The following CRBN variants were observed in gnomAD, a reference collection of about 807,000 sequenced individuals.
CRBN encodes the protein protein cereblon.
A neutral mutation model predicts 62.2 loss-of-function variants in CRBN; 53 were observed. The ratio of observed to expected loss-of-function variants is 0.85; its 90% CI spans 0.68 to 1.07. The LOEUF (loss-of-function observed/expected upper bound fraction) is 1.07, where lower values mean the gene tolerates loss of function less well. Ranked by LOEUF, CRBN falls within the 50% of genes least tolerant of loss-of-function variation. CRBN has a pLI of 0.00. For synonymous variants in CRBN, 208 were observed against 176.1 expected, an observed-to-expected ratio of 1.18 and a Z score of -1.43; for missense variants, 616 against 531.1, an observed-to-expected ratio of 1.16 and a Z score of -1.57.
rs1488648678 is a variant in CRBN at position 3,151,062 on chromosome 3, A to AGAT, written c.1149-20_1149-18dup. ...CAGGCATACCTAAGAAATTAAGGAAAGATATCAGCTAAGGAAACATTTCTG... is the reference window on the plus strand; with the variant it reads ...CAGGCATACCTAAGAAATTAAGGAAAGATGATATCAGCTAAGGAAACATTTCTG... On this transcript the variant is annotated splice_polypyrimidine_tract_variant and intron_variant, in intron 10 of 10. Coordinates refer to ENST00000231948, the MANE Select transcript of CRBN (RefSeq NM_016302.4). The AGAT allele has an allele frequency of 5.6e-6, 9 of 1,613,280 alleles. No homozygotes were observed. The highest frequency in any genetic ancestry group is 7.6e-6 in the Non-Finnish European group (9 of 1,179,600).
intron 5 of CRBN, among the ~76,000 whole-genome samples, chr3:3,164,390 A>C (rs1331369761): frequency 6.6e-6 from 1 of 152,228 alleles, no homozygotes; most frequent in Non-Finnish European, 1.5e-5. Context: ...AGAAAGTTTT[A>C]ATGGTCTGGA....
At chr3:3,174,865 G>A (rs1376332968) in intron 2 of CRBN, among the ~76,000 whole-genome samples, 1 of 152,036 alleles carries the variant, frequency 6.6e-6, no homozygotes, top group Admixed American at 6.6e-5. Flanking sequence ...CAAACAGTAA[G>A]TATAAAATGT....
At chr3:3,152,202 C>A (rs1028320680) in intron 10 of CRBN, among the ~76,000 whole-genome samples, 1 of 149,770 alleles carries the variant, frequency 6.7e-6, no homozygotes, top group Non-Finnish European at 1.5e-5. Context: ...CCAGGCTGGA[C>A]TGCAGTGGCA....
Position 3,152,528 on chromosome 3 carries a change from GTC to G in CRBN, c.1074_1075del (p.Glu358AspfsTer6), listed in dbSNP as rs1198393394. ...GTTGCAAGCCTTATACACAGTAAGT[GTC>G]TCATGCACATATCCATGAGGATTCA... On this transcript the variant is annotated frameshift_variant, in exon 10 of 11. Transcript: ENST00000231948. LOFTEE classifies it high-confidence loss of function. 6.2e-7 allele frequency: 1 copy of G among 1,613,566 alleles called. No individual in the cohort carries two copies. Among genetic ancestry groups the G allele is most frequent in the Non-Finnish European group, 8.5e-7 (1 of 1,179,706 alleles).
At chr3:3,162,409 A>T (rs1019961471) in intron 5 of CRBN, among the ~76,000 whole-genome samples, 10 of 152,138 alleles carry the variant, frequency 6.6e-5, no homozygotes, top group African/African-American at 2.4e-4. Context: ...ATGGGAGAAG[A>T]AGTAAACAGT....
intron 4 of CRBN, among the ~76,000 whole-genome samples, chr3:3,171,466 T>C (rs940906979): frequency 6.6e-6 from 1 of 151,612 alleles, no homozygotes; most frequent in East Asian, 2.0e-4. Context: ...CATAAATAAG[T>C]CTTGGTCATT....
rs1021081571 is a variant in CRBN, at chr3:3,150,021, C to CACTT, written c.*840_*843dup. The stretch of plus-strand genomic sequence containing the variant: ...TGAACAAAGAACATGTTTAGTTTCA[C>CACTT]ACTTAAGGTTTACTTACTTACAGAT... On this transcript the variant is annotated 3_prime_UTR_variant, in exon 11 of 11. Transcript: ENST00000231948. The CACTT allele has an allele frequency of 3.9e-5, 6 of 152,090 alleles. No homozygotes were observed. Among genetic ancestry groups the CACTT allele is most frequent in the South Asian group, 2.1e-4 (1 of 4,834 alleles). The allele number at this position is 152,090 out of a possible 1,614,324, so 9.4% of individuals were successfully genotyped here. A position where few individuals can be genotyped will look rare whatever the true frequency, so the allele number is the denominator to read the frequency against.
intron 5 of CRBN, among the ~76,000 whole-genome samples, chr3:3,158,221 G>A (rs950315519): frequency 2.0e-5 from 3 of 152,136 alleles, no homozygotes; most frequent in Non-Finnish European, 4.4e-5. Context: ...CCTCCCATGC[G>A]CAGTTCACAA....
intron 8 of CRBN, 175 bp from the exon 9 acceptor site, chr3:3,153,663 C>A: frequency 1.6e-6 from 1 of 630,686 alleles, no homozygotes; most frequent in Non-Finnish European, 2.9e-6. Flanking sequence ...GTCACTGAAA[C>A]TGAGATCTGC....
At chr3:3,152,670 C>A in intron 9 of CRBN, 83 bp from the exon 10 acceptor site, 1 of 1,516,744 alleles carries the variant, frequency 6.6e-7, no homozygotes, top group Non-Finnish European at 9.1e-7. Flanking sequence ...TTGAAGTTCA[C>A]CAAGAAATGA....
At chr3:3,154,919 G>T in intron 6 of CRBN, 88 bp from the exon 7 acceptor site, 1 of 788,580 alleles carries the variant, frequency 1.3e-6, no homozygotes. Context: ...ACTAACACTG[G>T]TAGCAATTTA....
rs762894743 is a variant in CRBN, at chr3:3,179,628, G to C, written c.60C>G (p.Leu20=). The C allele has an allele frequency of 5.6e-6, 9 of 1,613,590 alleles. No homozygotes were observed. Among genetic ancestry groups the C allele is most frequent in the Admixed American group, 1.7e-5 (1 of 60,012 alleles). Residue 20 remains leucine (L), a synonymous_variant, in exon 1 of 11, where the codon CTC becomes CTG. Transcript: ENST00000231948. ...ACTACTCCGGGCGGTTACCAGGCAG[G>C]AGCGGCAGGTGGTTGCCCATGTTGT... ...AAHNMGNHLP[L]LPAESEEEDE... is the part of the protein sequence containing the mutation.
chr3:3,178,194 T>C (rs1196784829), intron 1 of CRBN, among the ~76,000 whole-genome samples: 3 of 152,298 alleles, frequency 2.0e-5, no homozygotes, highest in African/African-American at 4.8e-5. Context: ...CTAATGTCTC[T>C]GAAAAAATAG....
chr3:3,155,100 G>A, intron 6 of CRBN: 1 of 470,168 alleles, frequency 2.1e-6, no homozygotes, highest in Non-Finnish European at 3.8e-6. Context: ...TCTGTTCTAT[G>A]CCCCTGCTTG....
chr3:3,155,208 C>T (rs1460790352), intron 6 of CRBN: 7 of 198,466 alleles, frequency 3.5e-5, no homozygotes, highest in African/African-American at 1.6e-4. Context: ...TATCTACATA[C>T]CTTACTTGGC....
rs751548292 is a variant in CRBN at position 3,167,802 on chromosome 3, A to G, written c.528-9T>C. On this transcript the variant is annotated splice_polypyrimidine_tract_variant and intron_variant, in intron 4 of 10. Coordinates refer to ENST00000231948, the MANE Select transcript of CRBN (RefSeq NM_016302.4). ...CTTTAGCTTGCTGGATTCTAAAATA[A>G]AGAGAACCAAGCATGGTATTCATTT... 1 of 1,612,908 alleles carries G rather than the reference A, an allele frequency of 6.2e-7. No homozygotes were observed. The highest frequency in any genetic ancestry group is 1.1e-5 in the South Asian group (1 of 91,052).
intron 5 of CRBN, among the ~76,000 whole-genome samples, chr3:3,163,234 C>A (rs1707208865): frequency 6.6e-6 from 1 of 152,186 alleles, no homozygotes; most frequent in Admixed American, 6.5e-5. Flanking sequence ...TGTAGATAAC[C>A]TGACGTATAT....
intron 4 of CRBN, among the ~76,000 whole-genome samples, chr3:3,168,664 T>A (rs1707456072): frequency 6.6e-6 from 1 of 152,296 alleles, no homozygotes; most frequent in African/African-American, 2.4e-5. Context: ...TAAAGTAGTC[T>A]TTCATAATAA....
intron 4 of CRBN, among the ~76,000 whole-genome samples, chr3:3,170,551 C>T (rs1476914328): frequency 6.6e-6 from 1 of 152,168 alleles, no homozygotes; most frequent in African/African-American, 2.4e-5. Context: ...CTTAACCTCT[C>T]TAGTACCTGG....
Sources: allele counts gnomAD v4.1 joint callset (sites outside exome capture counted in the v4.1 genomes callset), GRCh38; gene constraint gnomAD v4.1.1; transcripts MANE v1.5; gene names NCBI Gene and HGNC (gene_info 2026-07-23, HGNC 2026-07-21).